SLIT3: variants seen among roughly 807,000 people sequenced by gnomAD.
SLIT3 encodes slit guidance ligand 3.
Under a neutral mutation model 184.0 loss-of-function variants are expected in SLIT3, and 68 were observed. The ratio of observed to expected loss-of-function variants is 0.37; its 90% CI spans 0.30 to 0.45. The LOEUF (loss-of-function observed/expected upper bound fraction) is 0.45. Ranked by LOEUF, SLIT3 falls within the 20% of genes least tolerant of loss-of-function variation. The pLI, the probability that SLIT3 is intolerant of heterozygous loss-of-function variation, is 1.00. For synonymous variants in SLIT3, 831 were observed against 828.6 expected (o/e 1.00, Z -0.05); for missense variants, 1,707 against 2,026.0 (o/e 0.84, Z 3.02).
intron 4 of SLIT3, among the ~76,000 whole-genome samples, chr5:169,154,114 A>C (rs1762217035): frequency 6.6e-6 from 1 of 151,932 alleles, no homozygotes; most frequent in African/African-American, 2.4e-5. Context: ...CTGGGACTAC[A>C]GGCACCCACC....
intron 20 of SLIT3, among the ~76,000 whole-genome samples, chr5:168,746,692 TGTGG>T (rs1345055904): frequency 2.5e-4 from 22 of 87,850 alleles, no homozygotes; most frequent in Non-Finnish European, 2.8e-4. Flanking sequence ...TGTGTGGTGG[TGTGG>T]GTGTGGTGGT....
At position 168,753,053 on chromosome 5, in the gene SLIT3, A is replaced by G. The variant is rs1361295307; in HGVS notation, c.1875T>C (p.Phe625=). The G allele has an allele frequency of 2.5e-6, 4 of 1,614,072 alleles. No individual in the cohort carries two copies. In the African/African-American group the frequency reaches 5.3e-5, roughly 22 times the overall value. The change falls in exon 18 of 36, where the codon TTT becomes TTC. Residue 625 remains phenylalanine, a synonymous_variant. Coordinates refer to ENST00000519560, the MANE Select transcript of SLIT3 (RefSeq NM_003062.4). ...NLIGCVSNDT[F]AGLSSVRLLS... ...GCAGTCTCACCGAACTCAGGCCGGCAAAGGTGTCATTACTCACACAGCCGA... is the reference window on the plus strand; with the variant it reads ...GCAGTCTCACCGAACTCAGGCCGGCGAAGGTGTCATTACTCACACAGCCGA...
At chr5:168,819,086 G>A (rs1757435188) in intron 7 of SLIT3, among the ~76,000 whole-genome samples, 1 of 152,196 alleles carries the variant, frequency 6.6e-6, no homozygotes, top group African/African-American at 2.4e-5. Flanking sequence ...GAGTACAATG[G>A]GTCCCACGCA....
intron 4 of SLIT3, among the ~76,000 whole-genome samples, chr5:169,057,863 C>T (rs562828680): frequency 3.9e-5 from 6 of 152,162 alleles, no homozygotes. Flanking sequence ...AGCATTCACC[C>T]CAAAAAGGCC....
At chr5:169,265,065 G>C (rs1159882158) in intron 1 of SLIT3, among the ~76,000 whole-genome samples, 1 of 152,206 alleles carries the variant, frequency 6.6e-6, no homozygotes. Context: ...GGCATGTAAA[G>C]AGGAGTATTG....
Position 168,665,134 on chromosome 5 carries a change from G to A in SLIT3, c.*1320C>T, listed in dbSNP as rs927435034. Reference sequence around the variant, plus strand: ...TCTGGCTCCTCCACTTATCTGGTGTGTGGCTTAAGGCAAGTTCCAGAGCCT... The same window carrying A: ...TCTGGCTCCTCCACTTATCTGGTGTATGGCTTAAGGCAAGTTCCAGAGCCT... On this transcript the variant is annotated 3_prime_UTR_variant, in exon 36 of 36. Coordinates refer to ENST00000519560, the MANE Select transcript of SLIT3 (RefSeq NM_003062.4). 1 of 152,268 alleles carries A rather than the reference G, an allele frequency of 6.6e-6. No individual in the cohort carries two copies. The highest frequency in any genetic ancestry group is 2.4e-5 in the African/African-American group (1 of 41,460). The allele number at this position is 152,268 out of a possible 1,614,324, so 9.4% of individuals were successfully genotyped here. A position where few individuals can be genotyped will look rare whatever the true frequency, so the allele number is the denominator to read the frequency against.
At position 169,102,440 on chromosome 5, in the gene SLIT3, G is replaced by C. The variant is rs550616766; in HGVS notation, c.413+91039C>G. On this transcript the variant is annotated intron_variant, in intron 4 of 35. Transcript: ENST00000519560. ...GAAGCCCTTCATATAAAATGGTATAGTATTTGCATATAACCACTGCACATC... is the reference window on the plus strand; with the variant it reads ...GAAGCCCTTCATATAAAATGGTATACTATTTGCATATAACCACTGCACATC... 5.3e-5 allele frequency among the ~76,000 whole-genome samples: 8 copies of C among 152,236 alleles called. No homozygotes were observed. The South Asian group carries it at 1.5e-3, about 28-fold the overall frequency.
chr5:169,265,029 G>A (rs551674339), intron 1 of SLIT3, among the ~76,000 whole-genome samples: 29 of 152,272 alleles, frequency 1.9e-4, no homozygotes, highest in South Asian at 6.2e-4. Flanking sequence ...GGGGCAACCC[G>A]GGTGGTTGGA....
chr5:168,882,196 G>A (rs1231633255), intron 5 of SLIT3, among the ~76,000 whole-genome samples: 3 of 152,218 alleles, frequency 2.0e-5, no homozygotes, highest in African/African-American at 2.4e-5. Flanking sequence ...CCCTTAAGAC[G>A]TCTCAAATTG....
At chr5:169,121,404 T>C (rs1339512551) in intron 4 of SLIT3, among the ~76,000 whole-genome samples, 1 of 152,198 alleles carries the variant, frequency 6.6e-6, no homozygotes, top group Non-Finnish European at 1.5e-5. Context: ...AACCCGCCCC[T>C]GCAACCAGCC....
intron 32 of SLIT3, 122 bp downstream of exon 32, chr5:168,683,844 C>T (rs543447024): frequency 1.1e-5 from 10 of 881,954 alleles, no homozygotes; most frequent in South Asian, 6.1e-5. Context: ...CGCACATGTG[C>T]GTGGTAGGGG....
chr5:169,273,794 G>A (rs1367301858), intron 1 of SLIT3, among the ~76,000 whole-genome samples: 1 of 152,162 alleles, frequency 6.6e-6, no homozygotes, highest in Non-Finnish European at 1.5e-5. Flanking sequence ...TATCTAGTGT[G>A]TGCAATGTTC....
rs929709370 is a variant in SLIT3 at position 168,795,146 on chromosome 5, C to T, written c.1007+361G>A. On this transcript the variant is annotated intron_variant, in intron 10 of 35. Transcript: ENST00000519560. ...ACAGTGGTGTAGACAGCTGCGGGGCCACCATCACATCTCTGCTGAAACTCC... is the reference window on the plus strand; with the variant it reads ...ACAGTGGTGTAGACAGCTGCGGGGCTACCATCACATCTCTGCTGAAACTCC... 9.8e-5 allele frequency among the ~76,000 whole-genome samples: 15 copies of T among 152,308 alleles called. No homozygotes were observed. The East Asian group carries it at 2.1e-3, about 22-fold the overall frequency.
At chr5:168,731,572 T>C (rs144338021) in intron 20 of SLIT3, among the ~76,000 whole-genome samples, 1 of 151,930 alleles carries the variant, frequency 6.6e-6, no homozygotes, top group Non-Finnish European at 1.5e-5. Flanking sequence ...TACTAGCAAA[T>C]TGAATCCAAG....
intron 3 of SLIT3, among the ~76,000 whole-genome samples, chr5:169,235,091 G>A (rs1561756991): frequency 6.6e-6 from 1 of 152,112 alleles, no homozygotes; most frequent in African/African-American, 2.4e-5. Context: ...TTCTTGAATA[G>A]TAATTATCAG....
intron 15 of SLIT3, among the ~76,000 whole-genome samples, chr5:168,761,920 A>ATTT (rs546743393): frequency 0.25 from 28,835 of 114,342 alleles, 3,926 homozygotes; most frequent in East Asian, 0.47. Context: ...AAAAAAAAAA[A>ATTT]ATTTTTTTTT....
chr5:168,816,780 T>C (rs1439714729), intron 8 of SLIT3, among the ~76,000 whole-genome samples: 2 of 152,338 alleles, frequency 1.3e-5, no homozygotes, highest in East Asian at 1.9e-4. Flanking sequence ...TTTCACTTAA[T>C]CCTCCCACCT....
chr5:168,791,894 T>TACCCCACCCTC (rs1191643558), intron 10 of SLIT3: 1 of 152,268 alleles, frequency 6.6e-6, no homozygotes, highest in Non-Finnish European at 1.5e-5. Context: ...TCTTCATCTC[T>TACCCCACCCTC]ACCCCACCCT....
At chr5:168,825,413 A>T (rs1049019179) in intron 6 of SLIT3, among the ~76,000 whole-genome samples, 3 of 152,142 alleles carry the variant, frequency 2.0e-5, no homozygotes, top group South Asian at 2.1e-4. Flanking sequence ...TCTACTTATC[A>T]TCTGCGTGGT....
Sources: allele counts gnomAD v4.1 joint callset (sites outside exome capture counted in the v4.1 genomes callset), GRCh38; gene constraint gnomAD v4.1.1; transcripts MANE v1.5; gene names NCBI Gene and HGNC (gene_info 2026-07-23, HGNC 2026-07-21).